Variants in EPS15L1 observed in about 807,000 individuals in gnomAD.
EPS15L1 encodes the protein epidermal growth factor receptor substrate 15-like 1.
A neutral mutation model predicts 117.1 loss-of-function variants in EPS15L1; 43 were observed. The observed-to-expected ratio is 0.37, with a 90% CI of 0.29 to 0.47. The LOEUF is 0.47. Ranked by LOEUF, EPS15L1 falls within the 20% of genes least tolerant of loss-of-function variation. The pLI is 0.99. For synonymous variants in EPS15L1, 459 were observed against 470.5 expected (o/e 0.98, Z 0.32); for missense variants, 981 against 1,164.0 (o/e 0.84, Z 2.29).
At chr19:16,455,433 A>G (rs1220533819) in intron 1 of EPS15L1, among the ~76,000 whole-genome samples, 1 of 152,152 alleles carries the variant, frequency 6.6e-6, no homozygotes, top group Non-Finnish European at 1.5e-5. Flanking sequence ...CATTCCAGAA[A>G]CAGAACTGCT....
Position 16,402,356 on chromosome 19 carries a change from C to T in EPS15L1, c.1756G>A (p.Val586Ile), listed in dbSNP as rs772418516. Residue 586 changes from valine (V) to isoleucine (I), a missense_variant, in exon 16 of 24, where the codon GTC becomes ATC. Physicochemically the swap from Val to Ile is conservative, Grantham distance 29. Coordinates refer to ENST00000455140, the MANE Select transcript of EPS15L1 (RefSeq NM_001258374.3). Reference protein sequence around the residue: ...LTDLANLSEGVSLAERGSFGA... With the variant: ...LTDLANLSEGISLAERGSFGA... ...AAACTGCCCCTCTCTGCCAGGGAGA[C>T]GCCTTCGCTCAGGTTGGCCAGGTCG... 36 of 1,613,288 alleles carry T rather than the reference C, an allele frequency of 2.2e-5. No homozygotes were observed. Among genetic ancestry groups the T allele is most frequent in the African/African-American group, 1.6e-4 (12 of 74,862 alleles).
intron 1 of EPS15L1, among the ~76,000 whole-genome samples, chr19:16,464,118 C>T (rs1045218148): frequency 1.3e-5 from 2 of 152,202 alleles, no homozygotes; most frequent in African/African-American, 4.8e-5. Flanking sequence ...GTCAGCCTGA[C>T]CTGCAGGCAG....
Position 16,402,707 on chromosome 19 carries a change from T to C in EPS15L1, c.1627-222A>G, listed in dbSNP as rs1599586539. Among the ~76,000 whole-genome samples, 2 of 56,396 alleles carry C rather than the reference T, an allele frequency of 3.5e-5. 1 individual carries two copies. The highest frequency in any genetic ancestry group is 1.6e-3 in the South Asian group (2 of 1,218). The allele number at this position is 56,396 out of a possible 152,430, so 37.0% of individuals were successfully genotyped here. Reference sequence around the variant, plus strand: ...CAGGTGCGTGTCACCACCTATATTTTTGGGCAACAAACCAAGACCCATCTC... The same window carrying C: ...CAGGTGCGTGTCACCACCTATATTTCTGGGCAACAAACCAAGACCCATCTC... On this transcript the variant is annotated intron_variant, in intron 15 of 23. Coordinates refer to ENST00000455140, the MANE Select transcript of EPS15L1 (RefSeq NM_001258374.3).
chr19:16,365,582 C>A lies in EPS15L1; in HGVS notation c.2381-3598G>T, dbSNP rs1355698415. Among the ~76,000 whole-genome samples, 1 of 152,228 alleles carries A rather than the reference C, an allele frequency of 6.6e-6. No individual in the cohort carries two copies. Among genetic ancestry groups the A allele is most frequent in the Admixed American group, 6.5e-5 (1 of 15,284 alleles). ...AGCAGGGAGCCACCAAAGCCACCGG[C>A]AGGGGCACCCTGGGGGACAGTGTGA... On this transcript the variant is annotated intron_variant, in intron 22 of 23. Transcript: ENST00000455140. The surrounding 1 kb of genome is among the most constrained non-coding windows in gnomAD (Gnocchi z 4.9).
At chr19:16,374,379 C>G (rs1208955972) in intron 22 of EPS15L1, among the ~76,000 whole-genome samples, 5 of 152,174 alleles carry the variant, frequency 3.3e-5, no homozygotes, top group Non-Finnish European at 7.3e-5. Context: ...GCCTGTGCCA[C>G]GAGTAAAGGA....
intron 1 of EPS15L1, among the ~76,000 whole-genome samples, chr19:16,443,063 C>A (rs909980723): frequency 6.6e-6 from 1 of 152,196 alleles, no homozygotes; most frequent in Non-Finnish European, 1.5e-5. Flanking sequence ...GAAATGCTGG[C>A]TGTAAAAGTT....
chr19:16,426,129 T>C (rs1323743110), intron 8 of EPS15L1, among the ~76,000 whole-genome samples: 3 of 152,178 alleles, frequency 2.0e-5, no homozygotes, highest in Non-Finnish European at 4.4e-5. Flanking sequence ...CCCACAACCT[T>C]GACCCACCTT....
In EPS15L1 at chr19:16,361,639, A is replaced by T. The variant is rs567106222; in HGVS notation, c.2586+140T>A. 11 of 1,395,720 alleles carry T rather than the reference A, an allele frequency of 7.9e-6. No homozygotes were observed. In the South Asian group the frequency reaches 1.1e-4, roughly 14 times the overall value. 86.5% of individuals were successfully genotyped at this position (1,395,720 alleles called of 1,614,324 possible). A position where few individuals can be genotyped will look rare whatever the true frequency, so the allele number is the denominator to read the frequency against. On this transcript the variant is annotated intron_variant, in intron 23 of 23. Coordinates refer to ENST00000455140, the MANE Select transcript of EPS15L1 (RefSeq NM_001258374.3). ...CTTACAGAAGTGGCAGTGTAGAATA[A>T]ATAACGCGAGGGACAGAGAGTGTGA...
At chr19:16,373,152 A>G (rs1259129826) in intron 22 of EPS15L1, among the ~76,000 whole-genome samples, 2 of 152,174 alleles carry the variant, frequency 1.3e-5, no homozygotes, top group African/African-American at 4.8e-5. Flanking sequence ...AAGACTGCCC[A>G]CTGGACAGCC....
intron 22 of EPS15L1, among the ~76,000 whole-genome samples, chr19:16,363,676 G>A (rs796848245): frequency 3.9e-5 from 6 of 152,280 alleles, no homozygotes; most frequent in African/African-American, 1.4e-4. Flanking sequence ...GAAGGAGGGC[G>A]CCAAACAAGG....
At chr19:16,426,392 TGGAGGCCGA>T (rs767335209) in intron 8 of EPS15L1, among the ~76,000 whole-genome samples, 2 of 152,050 alleles carry the variant, frequency 1.3e-5, no homozygotes, top group African/African-American at 2.4e-5. Context: ...CTCAGCACTT[TGGAGGCCGA>T]GACGGGCAGA....
At chr19:16,397,943 A>T (rs1221189497) in intron 16 of EPS15L1, among the ~76,000 whole-genome samples, 1 of 152,226 alleles carries the variant, frequency 6.6e-6, no homozygotes, top group Non-Finnish European at 1.5e-5. Context: ...AATTTGGCAG[A>T]CACACTGGCA....
Position 16,355,587 on chromosome 19 carries a change from C to A in EPS15L1, c.*118G>T. On this transcript the variant is annotated 3_prime_UTR_variant, in exon 24 of 24. Transcript: ENST00000455140. ...CGAGTCTGCTCACCCTGAACAAGCC[C>A]CCGAGTCCCGGTCCTTGGAGTACGG... 7.6e-7 allele frequency: 1 copy of A among 1,313,712 alleles called. No individual in the cohort carries two copies. The highest frequency in any genetic ancestry group is 1.0e-6 in the Non-Finnish European group (1 of 974,838). The allele number at this position is 1,313,712 out of a possible 1,614,324, so 81.4% of individuals were successfully genotyped here.
rs558152578 is a variant in EPS15L1 at position 16,370,242 on chromosome 19, T to A, written c.2380+6880A>T. Among the ~76,000 whole-genome samples, 4 of 152,058 alleles carry A rather than the reference T, an allele frequency of 2.6e-5. No individual in the cohort carries two copies. ...GCATGTGATATTTTGCAGTTAGCAGTGGCAGGCAAGGGGCGCGCTGACTCA... is the reference window on the plus strand; with the variant it reads ...GCATGTGATATTTTGCAGTTAGCAGAGGCAGGCAAGGGGCGCGCTGACTCA... On this transcript the variant is annotated intron_variant, in intron 22 of 23. Transcript: ENST00000455140. This position sits in a 1 kb window ranked among gnomAD's most constrained non-coding sequence, Gnocchi z 5.2.
At chr19:16,406,882 G>A (rs1375646429) in intron 13 of EPS15L1, among the ~76,000 whole-genome samples, 1 of 152,182 alleles carries the variant, frequency 6.6e-6, no homozygotes, top group Admixed American at 6.5e-5. Flanking sequence ...TTAGGTGTGG[G>A]GCCTCTAGGA....
intron 1 of EPS15L1, among the ~76,000 whole-genome samples, chr19:16,448,550 G>GGC (rs983652615): frequency 1.4e-5 from 2 of 143,092 alleles, no homozygotes; most frequent in Non-Finnish European, 3.0e-5. Flanking sequence ...AAAAAAAAGG[G>GGC]GGGGGGAGAA....
At chr19:16,448,106 G>C (rs1326925698) in intron 1 of EPS15L1, among the ~76,000 whole-genome samples, 1 of 152,180 alleles carries the variant, frequency 6.6e-6, no homozygotes, top group Non-Finnish European at 1.5e-5. Flanking sequence ...AACTCAAAGT[G>C]GATCATGAAT....
At position 16,392,333 on chromosome 19, in the gene EPS15L1, A is replaced by T. The variant is rs773705155; in HGVS notation, c.2074T>A (p.Phe692Ile). The T allele has an allele frequency of 5.0e-6, 8 of 1,613,948 alleles. No individual in the cohort carries two copies. The highest frequency in any genetic ancestry group is 6.8e-6 in the Non-Finnish European group (8 of 1,179,940). The change falls in exon 19 of 24, where the codon TTC becomes ATC. Residue 692 changes from phenylalanine to isoleucine, a missense_variant. Coordinates refer to ENST00000455140, the MANE Select transcript of EPS15L1 (RefSeq NM_001258374.3). Reference protein sequence around the residue: ...TKNDPFTSDPFTKNPSLPSKL... With the variant: ...TKNDPFTSDPITKNPSLPSKL... ...GAAGGTAAGGAAGGGTTTTTCGTGAATGGATCCGAGGTAAATGGGTCATTC... is the reference window on the plus strand; with the variant it reads ...GAAGGTAAGGAAGGGTTTTTCGTGATTGGATCCGAGGTAAATGGGTCATTC...
chr19:16,455,407 T>C lies in EPS15L1; in HGVS notation c.34-13188A>G, dbSNP rs941055257. ...TCCCAAAGTGCTGGGATTACAGGCA[T>C]GAGCACCAAACTCAGCATTCCAGAA... On this transcript the variant is annotated intron_variant, in intron 1 of 23. Transcript: ENST00000455140. 2.0e-5 allele frequency among the ~76,000 whole-genome samples: 3 copies of C among 152,178 alleles called. No individual in the cohort carries two copies. The East Asian group carries it at 5.8e-4, about 29-fold the overall frequency.
Sources: allele counts gnomAD v4.1 joint callset (sites outside exome capture counted in the v4.1 genomes callset), GRCh38; gene constraint gnomAD v4.1.1; non-coding constraint Gnocchi (gnomAD v3.1); transcripts MANE v1.5; gene names NCBI Gene and HGNC (gene_info 2026-07-23, HGNC 2026-07-21).